Variants in UBR7 observed in about 807,000 individuals in gnomAD.
UBR7 encodes the protein ubiquitin protein ligase E3 component n-recognin 7.
UBR7 carries 22 observed loss-of-function variants against 57.0 expected under a neutral mutation model. The ratio of observed to expected loss-of-function variants is 0.39; its 90% confidence interval spans 0.28 to 0.55. UBR7 has a LOEUF of 0.55. Among genes scored for constraint, UBR7 ranks in the 20% least tolerant of loss-of-function variants. UBR7 has a pLI of 0.69. For synonymous variants in UBR7, 167 were observed against 179.8 expected (o/e 0.93, Z 0.57); for missense variants, 395 against 513.2 (o/e 0.77, Z 2.23).
Position 93,207,470 on chromosome 14 carries a change from C to T in UBR7, c.150+29C>T, listed in dbSNP as rs370402819. On this transcript the variant is annotated intron_variant, in intron 1 of 10. Coordinates refer to ENST00000013070, the MANE Select transcript of UBR7 (RefSeq NM_175748.4). ...GGCGCGCGGCCCGGGCCTCCTCTCC[C>T]CCGGCTCCCGCCGAACCTCCCCTTC... The T allele has an allele frequency of 1.3e-3, 1,991 of 1,522,988 alleles. 24 individuals are homozygous for T. Among genetic ancestry groups the T allele is most frequent in the South Asian group, 0.01 (815 of 79,536 alleles). 94.3% of individuals were successfully genotyped at this position (1,522,988 alleles called of 1,614,324 possible).
intron 5 of UBR7, 80 bp from the exon 6 acceptor site, chr14:93,215,096 T>C: frequency 7.0e-7 from 1 of 1,420,164 alleles, no homozygotes; most frequent in Admixed American, 2.0e-5. Context: ...ATCAGTGTAT[T>C]ATTACAGTAT....
Position 93,215,206 on chromosome 14 carries a change from G to T in UBR7, c.526G>T (p.Asp176Tyr). Residue 176 changes from aspartate (D) to tyrosine (Y), a missense_variant, in exon 6 of 11, where the codon GAT (aspartate) becomes TAT (tyrosine). Asp to Tyr is a radical substitution (Grantham distance 160). Transcript: ENST00000013070. ...TGGTGCCATTCCCCCTGAGAGTGGG[G>T]ATTTTCAGGAGATGGTATGCCAGGC... ...HLGAIPPESG[D>Y]FQEMVCQACM... is the part of the protein sequence containing the mutation. The T allele has an allele frequency of 1.3e-6, 2 of 1,587,130 alleles. No homozygotes were observed. The highest frequency in any genetic ancestry group is 1.7e-6 in the Non-Finnish European group (2 of 1,165,916).
intron 1 of UBR7, 22 bp downstream of exon 1, chr14:93,207,463 C>A (rs1026314383): frequency 6.5e-7 from 1 of 1,534,294 alleles, no homozygotes. Context: ...GCCCGGGCCT[C>A]CTCTCCCCCG....
chr14:93,226,942 G>C lies in UBR7; in HGVS notation c.1186-1G>C, dbSNP rs1894865880. 1.2e-6 allele frequency: 2 copies of C among 1,611,520 alleles called. No homozygotes were observed. The highest frequency in any genetic ancestry group is 1.7e-6 in the Non-Finnish European group (2 of 1,178,260). ...TCATAATCTTTGCTTTTCAAAAACA[G>C]GTTGTTAAGAGAGAGGACATTCAGC... On this transcript the variant is annotated splice_acceptor_variant, in intron 10 of 10. Coordinates refer to ENST00000013070, the MANE Select transcript of UBR7 (RefSeq NM_175748.4). LOFTEE classifies it high-confidence loss of function.
At chr14:93,223,889 C>A in intron 10 of UBR7, 1 of 736,864 alleles carries the variant, frequency 1.4e-6, no homozygotes, top group Non-Finnish European at 2.5e-6. Context: ...GGAGTCATAG[C>A]TCAGCCAGAT....
At chr14:93,212,922 G>A (rs907599393) in intron 4 of UBR7, among the ~76,000 whole-genome samples, 1 of 152,170 alleles carries the variant, frequency 6.6e-6, no homozygotes, top group African/African-American at 2.4e-5. Context: ...TATACTCCAA[G>A]TATTTATGTA....
chr14:93,223,824 C>T (rs1038480199), intron 10 of UBR7: 12 of 746,434 alleles, frequency 1.6e-5, no homozygotes, highest in African/African-American at 8.5e-5. Context: ...TGGGTAACAG[C>T]GCCCGCGGTG....
rs530583131 is a variant in UBR7 at position 93,210,319 on chromosome 14, G to C, written c.285-329G>C. Among the ~76,000 whole-genome samples the C allele has an allele frequency of 4.6e-5, 7 of 152,004 alleles. No individual in the cohort carries two copies. The East Asian group carries it at 1.2e-3, about 25-fold the overall frequency. On this transcript the variant is annotated intron_variant, in intron 2 of 10. Coordinates refer to ENST00000013070, the MANE Select transcript of UBR7 (RefSeq NM_175748.4). ...AGGATGGTCTCGATCTCCTGACCTC[G>C]TGATCCGCCCGCCTCAGCCTCCCAA...
In UBR7 at chr14:93,228,585, G is replaced by T. The variant is rs1894920536; in HGVS notation, c.*1550G>T. 2 of 453,932 alleles carry T rather than the reference G, an allele frequency of 4.4e-6. No individual in the cohort carries two copies. Among genetic ancestry groups the T allele is most frequent in the Admixed American group, 4.7e-5 (2 of 42,550 alleles). The allele number at this position is 453,932 out of a possible 1,614,324, so 28.1% of individuals were successfully genotyped here. On this transcript the variant is annotated 3_prime_UTR_variant, in exon 11 of 11. Transcript: ENST00000013070. ...TAATTGCAGATCCTCACGAAGGGTG[G>T]TATGTGGAGCTGGAAGGTCTTGTGG...
intron 8 of UBR7, 24 bp from the exon 9 acceptor site, chr14:93,220,222 CTTT>C (rs528210789): frequency 9.1e-3 from 12,828 of 1,407,180 alleles, no homozygotes; most frequent in Admixed American, 0.018. Context: ...ACTCCTCTTT[CTTT>C]TTTTTTTTTT....
intron 10 of UBR7, among the ~76,000 whole-genome samples, chr14:93,224,897 C>T (rs1466214323): frequency 6.8e-6 from 1 of 146,280 alleles, no homozygotes; most frequent in South Asian, 2.2e-4. Context: ...GGTGCTGTTG[C>T]ACCTCCACTC....
intron 9 of UBR7, among the ~76,000 whole-genome samples, chr14:93,220,663 C>T (rs1447052539): frequency 6.6e-6 from 1 of 152,058 alleles, no homozygotes; most frequent in Admixed American, 6.6e-5. Context: ...TGGATGAATG[C>T]AAATTTTCCA....
chr14:93,224,629 G>A (rs1894806382), intron 10 of UBR7, among the ~76,000 whole-genome samples: 1 of 151,998 alleles, frequency 6.6e-6, no homozygotes, highest in Admixed American at 6.6e-5. Flanking sequence ...CGCCCACCTT[G>A]GCCTCCCAAA....
chr14:93,222,002 T>G (rs779730957), intron 9 of UBR7, among the ~76,000 whole-genome samples: 20 of 152,130 alleles, frequency 1.3e-4, no homozygotes, highest in Non-Finnish European at 2.5e-4. Flanking sequence ...TCCAAGGTTA[T>G]TTCAGCTACC....
In UBR7 at chr14:93,228,421, T is replaced by C; in HGVS notation, c.*1386T>C. On this transcript the variant is annotated 3_prime_UTR_variant, in exon 11 of 11. Coordinates refer to ENST00000013070, the MANE Select transcript of UBR7 (RefSeq NM_175748.4). Reference sequence around the variant, plus strand: ...AGCATTTCAGGCTGTGGGGCCACCATGTATATTAATACTCCTTATGTGTCC... The same window carrying C: ...AGCATTTCAGGCTGTGGGGCCACCACGTATATTAATACTCCTTATGTGTCC... 1 of 454,224 alleles carries C rather than the reference T, an allele frequency of 2.2e-6. No individual in the cohort carries two copies. The highest frequency in any genetic ancestry group is 4.4e-6 in the Non-Finnish European group (1 of 226,824). The allele number at this position is 454,224 out of a possible 1,614,324, so 28.1% of individuals were successfully genotyped here. A position where few individuals can be genotyped will look rare whatever the true frequency, so the allele number is the denominator to read the frequency against.
chr14:93,207,296 C>T lies in UBR7; in HGVS notation c.5C>T (p.Ala2Val). 6.4e-7 allele frequency: 1 copy of T among 1,554,244 alleles called. No individual in the cohort carries two copies. Among genetic ancestry groups the T allele is most frequent in the Non-Finnish European group, 8.7e-7 (1 of 1,148,726 alleles). Reference protein sequence around the residue: MAGAEGAAGRQS... With the variant: MVGAEGAAGRQS... ...CTGTTCGGCTGACAGTTGAGGATGG[C>T]CGGAGCCGAGGGCGCCGCTGGGCGG... Residue 2 changes from alanine to valine, a missense_variant, in exon 1 of 11, where the codon GCC (alanine) becomes GTC (valine). By Grantham distance (64) the Ala-to-Val change is moderately conservative (BLOSUM62 0). Transcript: ENST00000013070.
chr14:93,208,509 T>C (rs2140096687), intron 1 of UBR7, among the ~76,000 whole-genome samples: 1 of 152,174 alleles, frequency 6.6e-6, no homozygotes, highest in Non-Finnish European at 1.5e-5. Context: ...TGTAAACTAT[T>C]TTTGAAGTGT....
chr14:93,221,334 G>C (rs558105796), intron 9 of UBR7, among the ~76,000 whole-genome samples: 1 of 152,024 alleles, frequency 6.6e-6, no homozygotes, highest in East Asian at 2.0e-4. Context: ...AGCTGGTTTC[G>C]AACTTCTGAC....
rs183495640 is a variant in UBR7, at chr14:93,210,819, T to C, written c.345+111T>C. On this transcript the variant is annotated intron_variant, in intron 3 of 10. Coordinates refer to ENST00000013070, the MANE Select transcript of UBR7 (RefSeq NM_175748.4). ...TTTCCAAAAAAAGAAGTTCTTATGC[T>C]TATTCTTTGCAGATGGCCATTTCAT... is the stretch of plus-strand genomic sequence containing the variant. 6 of 920,796 alleles carry C rather than the reference T, an allele frequency of 6.5e-6. No homozygotes were observed. In the East Asian group the frequency reaches 1.6e-4, roughly 24 times the overall value. The allele number at this position is 920,796 out of a possible 1,614,324, so 57.0% of individuals were successfully genotyped here. A position where few individuals can be genotyped will look rare whatever the true frequency, so the allele number is the denominator to read the frequency against.
Sources: gnomAD v4.1 joint callset for allele counts (sites outside exome capture counted in the v4.1 genomes callset) on GRCh38, gnomAD v4.1.1 for gene constraint, MANE v1.5 for transcripts, NCBI Gene and HGNC (gene_info 2026-07-23, HGNC 2026-07-21) for gene names.